The following CSPP1 variants were observed in gnomAD, a reference collection of about 807,000 sequenced individuals.
CSPP1 encodes centrosome and spindle pole-associated protein 1.
Under a neutral mutation model 164.4 loss-of-function variants are expected in CSPP1, and 126 were observed. The ratio of observed to expected loss-of-function variants is 0.77; its 90% CI spans 0.66 to 0.89. The LOEUF is 0.89. CSPP1 is among the 40% of genes least tolerant of loss of function. The pLI, the probability that CSPP1 is intolerant of heterozygous loss-of-function variation, is 0.00. For synonymous variants in CSPP1, 472 were observed against 476.7 expected (o/e 0.99, Z 0.13); for missense variants, 1,395 against 1,449.8 (o/e 0.96, Z 0.61).
chr8:67,172,709 T>A, intron 25 of CSPP1, 154 bp downstream of exon 25: 2 of 634,830 alleles, frequency 3.2e-6, no homozygotes, highest in South Asian at 2.7e-5. Flanking sequence ...ATTCTCTAGG[T>A]CTTCAGTTAA....
intron 29 of CSPP1, 34 bp downstream of exon 29, chr8:67,190,793 TAGA>T (rs1439816709): frequency 1.4e-6 from 2 of 1,469,506 alleles, no homozygotes; most frequent in Non-Finnish European, 1.9e-6. Flanking sequence ...CTTTTCAACT[TAGA>T]AGAATGAGAG....
rs768899319 is a variant in CSPP1, at chr8:67,193,558, G to T, written c.3425G>T (p.Arg1142Leu). ...VDELRVRNEERMRRLNEFHNK... is the reference protein window; with the variant it reads ...VDELRVRNEELMRRLNEFHNK... Reference sequence around the variant, plus strand: ...GAGCTTAGAGTGAGAAATGAGGAACGAATGCGAAGACTGAATGAATTTCAC... The same window carrying T: ...GAGCTTAGAGTGAGAAATGAGGAACTAATGCGAAGACTGAATGAATTTCAC... Residue 1142 changes from arginine to leucine, a missense_variant, in exon 30 of 31, where the codon CGA (arginine) becomes CTA (leucine). By Grantham distance (102) the Arg-to-Leu change is moderately radical. Coordinates refer to ENST00000678616, the MANE Select transcript of CSPP1 (RefSeq NM_001382391.1). 6.2e-7 allele frequency: 1 copy of T among 1,613,788 alleles called. No homozygotes were observed. Among genetic ancestry groups the T allele is most frequent in the South Asian group, 1.1e-5 (1 of 91,058 alleles).
chr8:67,165,384 C>T (rs1039447871), intron 24 of CSPP1, among the ~76,000 whole-genome samples: 3 of 152,204 alleles, frequency 2.0e-5, no homozygotes, highest in African/African-American at 7.2e-5. Context: ...TTTGTCACAA[C>T]TCAGAGGCTG....
Position 67,193,621 on chromosome 8 carries a change from TG to T in CSPP1, c.3469+21del. 6.2e-7 allele frequency: 1 copy of T among 1,604,322 alleles called. No individual in the cohort carries two copies. Among genetic ancestry groups the T allele is most frequent in the Non-Finnish European group, 8.5e-7 (1 of 1,172,562 alleles). On this transcript the variant is annotated intron_variant, in intron 30 of 30. Transcript: ENST00000678616. ...AATACAGGTAAATGACCAAGTGTAA[TG>T]GCCTATAGTAGAATCCTGTATGAAC...
intron 28 of CSPP1, among the ~76,000 whole-genome samples, chr8:67,185,714 A>G (rs942990243): frequency 7.9e-5 from 12 of 152,186 alleles, no homozygotes; most frequent in African/African-American, 2.7e-4. Context: ...GAAAAAAGTA[A>G]AACTTGCTGC....
chr8:67,102,609 G>A (rs1008206162), intron 7 of CSPP1, among the ~76,000 whole-genome samples: 6 of 152,044 alleles, frequency 3.9e-5, no homozygotes, highest in African/African-American at 7.2e-5. Context: ...AAGGTTATAC[G>A]TACAATGAAA....
rs1334619758 is a variant in CSPP1 at position 67,152,530 on chromosome 8, AT to A, written c.2129-1490del. On this transcript the variant is annotated intron_variant, in intron 18 of 30. Coordinates refer to ENST00000678616, the MANE Select transcript of CSPP1 (RefSeq NM_001382391.1). ...TGTATATAGCAAGTGTTTCCCTATGATTTTCCTTTTATAGTTTATTCATTTC... is the reference window on the plus strand; with the variant it reads ...TGTATATAGCAAGTGTTTCCCTATGATTTCCTTTTATAGTTTATTCATTTC... Among the ~76,000 whole-genome samples, 3 of 152,072 alleles carry A rather than the reference AT, an allele frequency of 2.0e-5. No homozygotes were observed. In the East Asian group the frequency reaches 5.8e-4, roughly 29 times the overall value.
intron 21 of CSPP1, among the ~76,000 whole-genome samples, chr8:67,159,569 C>T (rs1586603924): frequency 8.5e-6 from 1 of 117,094 alleles, no homozygotes; most frequent in Non-Finnish European, 1.6e-5. Flanking sequence ...TGCCCAGGCT[C>T]TGGAGTGCAG....
chr8:67,078,547 T>C (rs1808438440), intron 3 of CSPP1, among the ~76,000 whole-genome samples: 1 of 152,072 alleles, frequency 6.6e-6, no homozygotes, highest in Non-Finnish European at 1.5e-5. Flanking sequence ...GTAGAGGTGG[T>C]GTTTCGCTAT....
intron 7 of CSPP1, among the ~76,000 whole-genome samples, chr8:67,097,550 G>A (rs1813059093): frequency 6.6e-6 from 1 of 152,128 alleles, no homozygotes; most frequent in East Asian, 1.9e-4. Flanking sequence ...GGAACTGCAA[G>A]TAATCTTTGA....
intron 16 of CSPP1, among the ~76,000 whole-genome samples, chr8:67,137,143 A>G (rs1822485212): frequency 6.6e-6 from 1 of 151,906 alleles, no homozygotes; most frequent in Admixed American, 6.6e-5. Flanking sequence ...AACCACACCC[A>G]GCTAATTTTT....
chr8:67,190,532 TTGAG>T, intron 28 of CSPP1, 114 bp from the exon 29 acceptor site: 2 of 716,424 alleles, frequency 2.8e-6, no homozygotes, highest in Non-Finnish European at 5.1e-6. Flanking sequence ...TGTACATACA[TTGAG>T]TGTGTTTCAT....
chr8:67,178,668 T>C (rs1287689690), intron 27 of CSPP1, among the ~76,000 whole-genome samples: 1 of 152,048 alleles, frequency 6.6e-6, no homozygotes, highest in East Asian at 1.9e-4. Flanking sequence ...GGGAGGTGTC[T>C]ATGGGAAATG....
At position 67,193,488 on chromosome 8, in the gene CSPP1, C is replaced by T; in HGVS notation, c.3355C>T (p.Pro1119Ser). Residue 1119 changes from proline (P) to serine (S), a missense_variant, in exon 30 of 31, where the codon CCA (proline) becomes TCA (serine). Coordinates refer to ENST00000678616, the MANE Select transcript of CSPP1 (RefSeq NM_001382391.1). ...DIDSSRPNVA[P>S]DGLSLKSISS... ...GGATAGCAGTCGTCCTAATGTAGCACCAGATGGTCTCTCTCTAAAATCTAT... is the reference window on the plus strand; with the variant it reads ...GGATAGCAGTCGTCCTAATGTAGCATCAGATGGTCTCTCTCTAAAATCTAT... The T allele has an allele frequency of 1.2e-6, 2 of 1,613,200 alleles. No individual in the cohort carries two copies. The highest frequency in any genetic ancestry group is 1.1e-5 in the South Asian group (1 of 91,044).
At chr8:67,129,744 A>T (rs1407016466) in intron 15 of CSPP1, among the ~76,000 whole-genome samples, 1 of 152,258 alleles carries the variant, frequency 6.6e-6, no homozygotes, top group East Asian at 1.9e-4. Context: ...ATGCTAAATG[A>T]ATCTATACAT....
chr8:67,132,642 A>G (rs1821466218), intron 16 of CSPP1, among the ~76,000 whole-genome samples: 1 of 152,202 alleles, frequency 6.6e-6, no homozygotes, highest in African/African-American at 2.4e-5. Flanking sequence ...ACGTTGGGGA[A>G]GACATCTAAG....
At chr8:67,183,113 C>T (rs1833457240) in intron 28 of CSPP1, among the ~76,000 whole-genome samples, 1 of 152,172 alleles carries the variant, frequency 6.6e-6, no homozygotes, top group Admixed American at 6.5e-5. Context: ...AGGTTTAGCT[C>T]TTAATGTTTA....
intron 15 of CSPP1, among the ~76,000 whole-genome samples, chr8:67,123,840 T>C (rs1819503731): frequency 6.6e-6 from 1 of 151,720 alleles, no homozygotes; most frequent in South Asian, 2.1e-4. Context: ...CTCAAACTTC[T>C]GGCTCAAGTG....
rs771365440 is a variant in CSPP1 at position 67,195,559 on chromosome 8, T to G, written c.3647T>G (p.Phe1216Cys). Reference sequence around the variant, plus strand: ...CAGATTCCTGGAAAACCAGGCACTTTCACTTGGCAGGGCCTGTCGACTGCA... The same window carrying G: ...CAGATTCCTGGAAAACCAGGCACTTGCACTTGGCAGGGCCTGTCGACTGCA... ...QQQIPGKPGT[F>C]TWQGLSTAHG The change falls in exon 31 of 31, where the codon TTC becomes TGC. Residue 1216 changes from phenylalanine to cysteine, a missense_variant. Physicochemically the swap from Phe to Cys is radical, Grantham distance 205. Transcript: ENST00000678616. 1.2e-6 allele frequency: 2 copies of G among 1,614,198 alleles called. No individual in the cohort carries two copies. Among genetic ancestry groups the G allele is most frequent in the South Asian group, 1.1e-5 (1 of 91,086 alleles).
Sources: gnomAD v4.1 joint callset for allele counts (sites outside exome capture counted in the v4.1 genomes callset) on GRCh38, gnomAD v4.1.1 for gene constraint, MANE v1.5 for transcripts, NCBI Gene and HGNC (gene_info 2026-07-23, HGNC 2026-07-21) for gene names.